The following FILIP1 variants were observed in gnomAD, a reference collection of about 807,000 sequenced individuals.
The protein encoded by FILIP1 is filamin A interacting protein 1.
Under a neutral mutation model 102.1 loss-of-function variants are expected in FILIP1, and 61 were observed. That is an observed-to-expected ratio of 0.60 (90% confidence interval 0.49 to 0.74). FILIP1 has a LOEUF of 0.74. Among genes scored for constraint, FILIP1 ranks in the 30% least tolerant of loss-of-function variants. The probability of loss-of-function intolerance (pLI) is 0.00; values close to 1 mark genes in which losing one functional copy is unlikely to be tolerated. For synonymous variants in FILIP1, 491 were observed against 526.9 expected (o/e 0.93, Z 0.93); for missense variants, 1,314 against 1,441.2 (o/e 0.91, Z 1.43).
chr6:75,328,487 TTTTG>T (rs68125703), intron 4 of FILIP1, among the ~76,000 whole-genome samples: 101,216 of 151,194 alleles, frequency 0.67, 34,026 homozygotes, highest in Middle Eastern at 0.76. Context: ...GTAATAATGT[TTTTG>T]TTTGTTTGTT....
At chr6:75,487,264 T>C (rs1438698332) in intron 1 of FILIP1, among the ~76,000 whole-genome samples, 1 of 152,222 alleles carries the variant, frequency 6.6e-6, no homozygotes, top group Non-Finnish European at 1.5e-5. Flanking sequence ...AAACTCTTCC[T>C]GGCTTGCCCT....
intron 3 of FILIP1, 74 bp downstream of exon 3, chr6:75,362,670 C>A: frequency 6.9e-7 from 1 of 1,457,660 alleles, no homozygotes; most frequent in Admixed American, 1.9e-5. Context: ...AATGTTAAAG[C>A]ATGTAAATGG....
At chr6:75,407,592 T>C (rs1776916796) in intron 2 of FILIP1, among the ~76,000 whole-genome samples, 1 of 152,182 alleles carries the variant, frequency 6.6e-6, no homozygotes, top group African/African-American at 2.4e-5. Flanking sequence ...AGAGAGTCAT[T>C]CTTGACTCTC....
At position 75,435,751 on chromosome 6, in the gene FILIP1, C is replaced by T. The variant is rs544091789; in HGVS notation, c.-6-20773G>A. Among the ~76,000 whole-genome samples, 53 of 152,326 alleles carry T rather than the reference C, an allele frequency of 3.5e-4. 2 individuals carry two copies. The South Asian group carries it at 0.01, about 30-fold the overall frequency. The stretch of plus-strand genomic sequence containing the variant: ...ATTTCTGCTGAGTGACTTTTCCCGT[C>T]ATCATTGATACTACTGAGGTGTTAT... On this transcript the variant is annotated intron_variant, in intron 1 of 5. Coordinates refer to ENST00000237172, the MANE Select transcript of FILIP1 (RefSeq NM_015687.5).
intron 1 of FILIP1, among the ~76,000 whole-genome samples, chr6:75,485,469 C>T (rs1779756294): frequency 6.6e-6 from 1 of 152,062 alleles, no homozygotes; most frequent in Non-Finnish European, 1.5e-5. Flanking sequence ...TGTTATATTC[C>T]ATCCCATATA....
At chr6:75,411,262 G>A (rs1219861665) in intron 2 of FILIP1, among the ~76,000 whole-genome samples, 1 of 152,050 alleles carries the variant, frequency 6.6e-6, no homozygotes, top group Non-Finnish European at 1.5e-5. Context: ...ACTTTTTGAT[G>A]GGGTTGTTTT....
intron 1 of FILIP1, among the ~76,000 whole-genome samples, chr6:75,418,827 ATTATC>A (rs1777357757): frequency 6.6e-6 from 1 of 152,220 alleles, no homozygotes; most frequent in Non-Finnish European, 1.5e-5. Flanking sequence ...TGATAAGCAA[ATTATC>A]TTAACATAGT....
At chr6:75,335,045 TCA>T (rs1774197378) in intron 4 of FILIP1, among the ~76,000 whole-genome samples, 2 of 152,240 alleles carry the variant, frequency 1.3e-5, no homozygotes, top group South Asian at 4.2e-4. Flanking sequence ...GCATAAAATG[TCA>T]AATGGGCCTC....
chr6:75,434,149 T>A (rs1246058091), intron 1 of FILIP1, among the ~76,000 whole-genome samples: 1 of 152,226 alleles, frequency 6.6e-6, no homozygotes, highest in Non-Finnish European at 1.5e-5. Context: ...TTCTCTTTGC[T>A]TAGGATTGTC....
At chr6:75,296,492 T>C (rs1582299413) in intron 6 of FILIP1, 1 of 146,756 alleles carries the variant, frequency 6.8e-6, no homozygotes, top group Non-Finnish European at 1.5e-5. Flanking sequence ...TTATTATTAT[T>C]ATTATTATTA....
intron 2 of FILIP1, among the ~76,000 whole-genome samples, chr6:75,377,027 C>T (rs1302389752): frequency 6.6e-6 from 1 of 152,002 alleles, no homozygotes; most frequent in Non-Finnish European, 1.5e-5. Flanking sequence ...CAGTAAGAAA[C>T]AATGCTACAT....
chr6:75,372,353 G>T (rs758466121), intron 2 of FILIP1, among the ~76,000 whole-genome samples: 3 of 135,090 alleles, frequency 2.2e-5, no homozygotes, highest in Non-Finnish European at 4.6e-5. Context: ...GGCAACAAGA[G>T]TGAAACTCTG....
intron 4 of FILIP1, among the ~76,000 whole-genome samples, chr6:75,320,220 C>T (rs4283851): frequency 6.6e-6 from 1 of 152,028 alleles, no homozygotes; most frequent in Admixed American, 6.5e-5. Context: ...TGACTGAATG[C>T]ATAAACAAGA....
intron 1 of FILIP1, among the ~76,000 whole-genome samples, chr6:75,483,871 G>C (rs968823691): frequency 6.6e-6 from 1 of 152,108 alleles, no homozygotes; most frequent in Non-Finnish European, 1.5e-5. Context: ...CTTGCCACCT[G>C]CTTGCTGGGG....
rs1388266275 is a variant in FILIP1 at position 75,416,956 on chromosome 6, CTATTAGTATCAATTTTA to C, written c.-6-1995_-6-1979del. Among the ~76,000 whole-genome samples, 19 of 152,122 alleles carry C rather than the reference CTATTAGTATCAATTTTA, an allele frequency of 1.2e-4. No individual in the cohort carries two copies. The East Asian group carries it at 3.7e-3, about 29-fold the overall frequency. ...TATCTGCAAACATACAGAAAATAATCTATTAGTATCAATTTTATATTAGTTCTTTCTAAAAATTTCAT... is the reference window on the plus strand; with the variant it reads ...TATCTGCAAACATACAGAAAATAATCTATTAGTTCTTTCTAAAAATTTCAT... On this transcript the variant is annotated intron_variant, in intron 1 of 5. Transcript: ENST00000237172.
At chr6:75,300,726 G>C (rs1361873268) in intron 6 of FILIP1, among the ~76,000 whole-genome samples, 1 of 152,086 alleles carries the variant, frequency 6.6e-6, no homozygotes, top group African/African-American at 2.4e-5. Context: ...CCGCTAATAG[G>C]TTCTGTCATT....
At chr6:75,482,463 C>T (rs1779673145) in intron 1 of FILIP1, among the ~76,000 whole-genome samples, 1 of 152,158 alleles carries the variant, frequency 6.6e-6, no homozygotes, top group South Asian at 2.1e-4. Flanking sequence ...AGCTAATGAA[C>T]TACAGCCTGG....
chr6:75,418,911 G>A lies in FILIP1; in HGVS notation c.-6-3933C>T, dbSNP rs183643766. Among the ~76,000 whole-genome samples the A allele has an allele frequency of 7.2e-5, 11 of 152,210 alleles. 1 individual carries two copies. Among genetic ancestry groups the A allele is most frequent in the Middle Eastern group, 3.4e-3 (1 of 294 alleles). On this transcript the variant is annotated intron_variant, in intron 1 of 5. Coordinates refer to ENST00000237172, the MANE Select transcript of FILIP1 (RefSeq NM_015687.5). ...ATTTACACGGAATTTGCTAACTAGA[G>A]TGTGAAGAAAAGAAAGATCAAATGT...
intron 1 of FILIP1, among the ~76,000 whole-genome samples, chr6:75,424,843 AC>A (rs1475362237): frequency 6.6e-6 from 1 of 152,090 alleles, no homozygotes; most frequent in African/African-American, 2.4e-5. Flanking sequence ...AGCACAGATC[AC>A]CCCATCTGTG....
Sources: allele counts gnomAD v4.1 joint callset (sites outside exome capture counted in the v4.1 genomes callset), GRCh38; gene constraint gnomAD v4.1.1; transcripts MANE v1.5; gene names NCBI Gene and HGNC (gene_info 2026-07-23, HGNC 2026-07-21).